The following MAGI1 variants were observed in gnomAD, a reference collection of about 807,000 sequenced individuals.
MAGI1 encodes the protein membrane associated guanylate kinase, WW and PDZ domain containing 1.
MAGI1 carries 58 observed loss-of-function variants against 139.9 expected under a neutral mutation model. That is an observed-to-expected ratio of 0.41 (90% CI 0.34 to 0.52). MAGI1 has a LOEUF of 0.52. Among genes scored for constraint, MAGI1 ranks in the 20% least tolerant of loss-of-function variants. MAGI1 has a pLI of 0.12. For synonymous variants in MAGI1, 812 were observed against 737.9 expected (o/e 1.10, Z -1.63); for missense variants, 1,874 against 1,901.6 (o/e 0.99, Z 0.27).
At chr3:65,826,910 T>C (rs987688970) in intron 1 of MAGI1, among the ~76,000 whole-genome samples, 3 of 152,314 alleles carry the variant, frequency 2.0e-5, no homozygotes, top group Non-Finnish European at 2.9e-5. Context: ...AATTCATCCA[T>C]TCTAATAGCA....
At chr3:65,465,620 A>T (rs1247254673) in intron 5 of MAGI1, among the ~76,000 whole-genome samples, 1 of 151,974 alleles carries the variant, frequency 6.6e-6, no homozygotes, top group African/African-American at 2.4e-5. Flanking sequence ...TACTTGTTTC[A>T]CTAACATACA....
chr3:66,017,744 C>T (rs1218012058), intron 1 of MAGI1, among the ~76,000 whole-genome samples: 1 of 152,126 alleles, frequency 6.6e-6, no homozygotes, highest in East Asian at 1.9e-4. Context: ...TGTTATCATC[C>T]GTATAGGTCT....
intron 13 of MAGI1, among the ~76,000 whole-genome samples, chr3:65,395,312 AG>A (rs774744926): frequency 4.6e-5 from 7 of 152,018 alleles, no homozygotes; most frequent in African/African-American, 7.2e-5. Context: ...TCCTTTAGAA[AG>A]GTGGTAAAGA....
intron 14 of MAGI1, among the ~76,000 whole-genome samples, chr3:65,386,961 C>G (rs939363053): frequency 6.6e-6 from 1 of 152,158 alleles, no homozygotes; most frequent in Admixed American, 6.5e-5. Context: ...GCATGCAAAA[C>G]CCTTTTTATT....
At chr3:65,665,943 G>A (rs563405024) in intron 1 of MAGI1, among the ~76,000 whole-genome samples, 1 of 152,262 alleles carries the variant, frequency 6.6e-6, no homozygotes, top group South Asian at 2.1e-4. Context: ...CAGTTACAGA[G>A]GGCTCATGCT....
intron 1 of MAGI1, among the ~76,000 whole-genome samples, chr3:65,845,080 G>A (rs1249939167): frequency 1.3e-5 from 2 of 151,968 alleles, no homozygotes; most frequent in East Asian, 1.9e-4. Context: ...GTGAAACCCC[G>A]TCTCTATTAA....
intron 1 of MAGI1, among the ~76,000 whole-genome samples, chr3:65,659,884 G>A (rs756036535): frequency 6.6e-6 from 1 of 152,102 alleles, no homozygotes; most frequent in African/African-American, 2.4e-5. Context: ...CTCCAAATGA[G>A]TGGATGGCAA....
intron 5 of MAGI1, among the ~76,000 whole-genome samples, chr3:65,457,580 C>A (rs933604631): frequency 6.6e-6 from 1 of 151,994 alleles, no homozygotes; most frequent in African/African-American, 2.4e-5. Context: ...TTTTGAGCAA[C>A]CTTAAATTAT....
intron 8 of MAGI1, among the ~76,000 whole-genome samples, chr3:65,440,767 G>A (rs1948233735): frequency 6.6e-6 from 1 of 151,074 alleles, no homozygotes; most frequent in Admixed American, 6.6e-5. Context: ...ACACTTAGAT[G>A]GCTACAAAAC....
At chr3:65,579,794 C>T (rs542874580) in intron 2 of MAGI1, among the ~76,000 whole-genome samples, 7 of 147,546 alleles carry the variant, frequency 4.7e-5, no homozygotes, top group East Asian at 4.0e-4. Context: ...TTGCAGTAGG[C>T]GAAGATCACG....
intron 1 of MAGI1, among the ~76,000 whole-genome samples, chr3:65,640,426 C>G (rs1314454874): frequency 6.6e-6 from 1 of 152,140 alleles, no homozygotes; most frequent in Non-Finnish European, 1.5e-5. Context: ...GTTCTAAGAG[C>G]CTCTGATACT....
intron 2 of MAGI1, among the ~76,000 whole-genome samples, chr3:65,585,140 A>G (rs1476172110): frequency 6.6e-6 from 1 of 152,248 alleles, no homozygotes. Flanking sequence ...ACAGAGGTCA[A>G]ATGATTTGCC....
intron 1 of MAGI1, among the ~76,000 whole-genome samples, chr3:66,015,164 G>C (rs1429950627): frequency 1.6e-5 from 2 of 124,862 alleles, no homozygotes; most frequent in Non-Finnish European, 3.2e-5. Flanking sequence ...GCAATACAGT[G>C]AGACCCTGTC....
chr3:65,638,906 C>T (rs1250614150), intron 1 of MAGI1, among the ~76,000 whole-genome samples: 2 of 151,904 alleles, frequency 1.3e-5, no homozygotes, highest in African/African-American at 4.8e-5. Flanking sequence ...CAGGCGTGGC[C>T]GTGGCTTATT....
intron 3 of MAGI1, among the ~76,000 whole-genome samples, chr3:65,490,307 A>G (rs1248936030): frequency 8.5e-5 from 13 of 152,216 alleles, no homozygotes; most frequent in Non-Finnish European, 1.9e-4. Flanking sequence ...ACACAGCTCA[A>G]TAGCAAAGGG....
chr3:65,930,398 T>G (rs1236981868), intron 1 of MAGI1, among the ~76,000 whole-genome samples: 3 of 150,766 alleles, frequency 2.0e-5, no homozygotes, highest in Non-Finnish European at 3.0e-5. Context: ...CAGTCTTTAC[T>G]ACTAACTTCC....
At chr3:65,712,508 T>C (rs915009943) in intron 1 of MAGI1, among the ~76,000 whole-genome samples, 2 of 151,140 alleles carry the variant, frequency 1.3e-5, no homozygotes, top group South Asian at 4.2e-4. Context: ...TTTGTTTTTG[T>C]TTTTGTTGTT....
intron 1 of MAGI1, among the ~76,000 whole-genome samples, chr3:66,000,552 G>T (rs1482189963): frequency 6.6e-6 from 1 of 152,168 alleles, no homozygotes; most frequent in East Asian, 1.9e-4. Context: ...GTAAATAATG[G>T]CACAAGATGG....
chr3:65,564,172 G>A (rs147091574), intron 2 of MAGI1, among the ~76,000 whole-genome samples: 1 of 152,166 alleles, frequency 6.6e-6, no homozygotes, highest in African/African-American at 2.4e-5. Flanking sequence ...CTGGAACGGA[G>A]TGCAGGGCTG....
Sources: gnomAD v4.1 joint callset for allele counts (sites outside exome capture counted in the v4.1 genomes callset) on GRCh38, gnomAD v4.1.1 for gene constraint, MANE v1.5 for transcripts, NCBI Gene and HGNC (gene_info 2026-07-23, HGNC 2026-07-21) for gene names.